Variants in DGLUCY observed in about 807,000 individuals in gnomAD.
The protein encoded by DGLUCY is D-glutamate cyclase, mitochondrial.
Under a neutral mutation model 58.5 loss-of-function variants are expected in DGLUCY, and 58 were observed. The ratio of observed to expected loss-of-function variants is 0.99; its 90% CI spans 0.80 to 1.23. The LOEUF (loss-of-function observed/expected upper bound fraction) is 1.23, where lower values mean the gene tolerates loss of function less well. DGLUCY is among the 50% of genes most tolerant of loss of function. DGLUCY has a pLI of 0.00. For synonymous variants in DGLUCY, 325 were observed against 314.1 expected, an observed-to-expected ratio of 1.03 and a Z score of -0.37; for missense variants, 779 against 784.7, an observed-to-expected ratio of 0.99 and a Z score of 0.09.
At chr14:91,147,288 G>A (rs1403272897) in intron 1 of DGLUCY, among the ~76,000 whole-genome samples, 2 of 152,184 alleles carry the variant, frequency 1.3e-5, no homozygotes, top group African/African-American at 4.8e-5. Flanking sequence ...TGGGGCAGGA[G>A]CTGAGTTCTG....
intron 1 of DGLUCY, among the ~76,000 whole-genome samples, chr14:91,134,875 G>A (rs183089505): frequency 4.1e-4 from 63 of 152,130 alleles, no homozygotes; most frequent in Non-Finnish European, 7.5e-4. Context: ...GGTTTTCCAC[G>A]CAATCATAAT....
intron 9 of DGLUCY, among the ~76,000 whole-genome samples, chr14:91,191,791 C>G (rs2049911591): frequency 6.6e-6 from 1 of 152,116 alleles, no homozygotes. Flanking sequence ...GGAGAAGGAT[C>G]AGGGCTTGCT....
intron 1 of DGLUCY, among the ~76,000 whole-genome samples, chr14:91,133,982 G>A (rs1359751936): frequency 1.3e-5 from 2 of 152,020 alleles, no homozygotes; most frequent in South Asian, 2.1e-4. Flanking sequence ...CATTTAATTG[G>A]ACTATTCATT....
chr14:91,112,053 C>T (rs1443263463), upstream of DGLUCY, among the ~76,000 whole-genome samples: 1 of 150,976 alleles, frequency 6.6e-6, no homozygotes, highest in African/African-American at 2.4e-5. Context: ...GCCTGACCAG[C>T]GTGGAGCAAC....
intron 1 of DGLUCY, among the ~76,000 whole-genome samples, chr14:91,068,079 G>GCACACACACACACACA (rs57428509): frequency 3.4e-5 from 5 of 146,342 alleles, no homozygotes; most frequent in African/African-American, 7.7e-5. Flanking sequence ...ACACGCGCAC[G>GCACACACACACACACA]CACACACACA....
At chr14:91,130,310 T>C (rs1254844700) in intron 1 of DGLUCY, among the ~76,000 whole-genome samples, 2 of 151,108 alleles carry the variant, frequency 1.3e-5, no homozygotes, top group African/African-American at 4.8e-5. Flanking sequence ...CTTTTCTTTT[T>C]TTTTTTTTTT....
intron 12 of DGLUCY, 173 bp downstream of exon 12, chr14:91,204,998 T>C: frequency 1.2e-6 from 1 of 838,048 alleles, no homozygotes; most frequent in Admixed American, 2.5e-5. Flanking sequence ...TCAACAAACA[T>C]TTACAGTGTG....
upstream of DGLUCY, among the ~76,000 whole-genome samples, chr14:91,110,632 T>C (rs1389481567): frequency 6.6e-6 from 1 of 151,976 alleles, no homozygotes; most frequent in Non-Finnish European, 1.5e-5. Flanking sequence ...GGGTACTCCA[T>C]GTTGGCCAGG....
chr14:91,167,895 C>G (rs1385556931), intron 4 of DGLUCY, among the ~76,000 whole-genome samples: 1 of 152,152 alleles, frequency 6.6e-6, no homozygotes, highest in Non-Finnish European at 1.5e-5. Context: ...ATCCTTTCTT[C>G]CCCAACCCTG....
chr14:91,137,677 G>C (rs2046423248), intron 1 of DGLUCY, among the ~76,000 whole-genome samples: 1 of 151,980 alleles, frequency 6.6e-6, no homozygotes, highest in Non-Finnish European at 1.5e-5. Flanking sequence ...TCATAGGCGT[G>C]AGACACCGTA....
rs375212498 is a variant in DGLUCY, at chr14:91,132,482, T to C, written c.-82+18199T>C. 4.4e-3 allele frequency among the ~76,000 whole-genome samples: 670 copies of C among 151,682 alleles called. 2 individuals are homozygous for C. The highest frequency in any genetic ancestry group is 8.7e-3 in the South Asian group (42 of 4,806). On this transcript the variant is annotated intron_variant, in intron 1 of 13. Coordinates refer to ENST00000256324, the MANE Select transcript of DGLUCY (RefSeq NM_001102368.3). ...TTGGGAGACCCATAACTTTTTCTTTTTTTTTTTTTTTCTTGAGACACAGTC... is the reference window on the plus strand; with the variant it reads ...TTGGGAGACCCATAACTTTTTCTTTCTTTTTTTTTTTCTTGAGACACAGTC...
chr14:91,126,655 T>G (rs2045702030), intron 1 of DGLUCY: 1 of 154,650 alleles, frequency 6.5e-6, no homozygotes, highest in Non-Finnish European at 1.5e-5. Context: ...CCCAGGAGTT[T>G]GAGACAAGCC....
Position 91,118,075 on chromosome 14 carries a change from GCCCCC to G in DGLUCY, c.-82+3801_-82+3805del, listed in dbSNP as rs55961238. 5.1e-5 allele frequency among the ~76,000 whole-genome samples: 3 copies of G among 58,864 alleles called. 1 individual carries two copies. Among genetic ancestry groups the G allele is most frequent in the Non-Finnish European group, 9.1e-5 (3 of 33,062 alleles). 38.6% of individuals were successfully genotyped at this position (58,864 alleles called of 152,430 possible). A position where few individuals can be genotyped will look rare whatever the true frequency, so the allele number is the denominator to read the frequency against. On this transcript the variant is annotated intron_variant, in intron 1 of 13. Coordinates refer to ENST00000256324, the MANE Select transcript of DGLUCY (RefSeq NM_001102368.3). ...AGAGAATGGATGGTAAATTCTCCCC[GCCCCC>G]CCCCCCCCTTTTTTTTTTTAGACGG...
rs1241556254 is a variant in DGLUCY, at chr14:91,181,345, C to T, written c.890C>T (p.Ser297Phe). The T allele has an allele frequency of 6.2e-7, 1 of 1,614,120 alleles. No individual in the cohort carries two copies. The highest frequency in any genetic ancestry group is 8.5e-7 in the Non-Finnish European group (1 of 1,180,044). The change falls in exon 8 of 14, where the codon TCT becomes TTT. Residue 297 changes from serine to phenylalanine, a missense_variant. Coordinates refer to ENST00000256324, the MANE Select transcript of DGLUCY (RefSeq NM_001102368.3). ...TACAGCATCGCGTCAGTCTCTGCTTCTCAGAAGATCAGAGAACTAGAGTCT... is the reference window on the plus strand; with the variant it reads ...TACAGCATCGCGTCAGTCTCTGCTTTTCAGAAGATCAGAGAACTAGAGTCT... Reference protein sequence around the residue: ...LHYSIASVSASQKIRELESMI... With the variant: ...LHYSIASVSAFQKIRELESMI...
chr14:91,072,888 C>T (rs141654995), intron 1 of DGLUCY, among the ~76,000 whole-genome samples: 9 of 151,572 alleles, frequency 5.9e-5, no homozygotes, highest in African/African-American at 1.9e-4. Flanking sequence ...GGGCGCCTGT[C>T]GTCCCAGCTA....
At chr14:91,098,481 G>A (rs1422178273) in intron 1 of DGLUCY, among the ~76,000 whole-genome samples, 1 of 152,068 alleles carries the variant, frequency 6.6e-6, no homozygotes, top group Admixed American at 6.6e-5. Context: ...AAATAATTAG[G>A]TGATGAGCTT....
chr14:91,094,721 G>A (rs1161039514), intron 1 of DGLUCY, among the ~76,000 whole-genome samples: 1 of 151,750 alleles, frequency 6.6e-6, no homozygotes, highest in African/African-American at 2.4e-5. Context: ...TACTCGGGAG[G>A]CTGAGGCAGG....
intron 7 of DGLUCY, among the ~76,000 whole-genome samples, chr14:91,180,796 T>C (rs2049130058): frequency 6.6e-6 from 1 of 152,146 alleles, no homozygotes; most frequent in South Asian, 2.1e-4. Context: ...GAAATGATGC[T>C]CACAGAGGGT....
At chr14:91,089,517 G>A (rs985216688) in intron 1 of DGLUCY, among the ~76,000 whole-genome samples, 2 of 152,104 alleles carry the variant, frequency 1.3e-5, no homozygotes, top group African/African-American at 4.8e-5. Flanking sequence ...TCGAAACTAA[G>A]ACATTTTAAG....
Sources: allele counts gnomAD v4.1 joint callset (sites outside exome capture counted in the v4.1 genomes callset), GRCh38; gene constraint gnomAD v4.1.1; transcripts MANE v1.5; gene names NCBI Gene and HGNC (gene_info 2026-07-23, HGNC 2026-07-21).